CMSS1: variants seen among roughly 807,000 people sequenced by gnomAD.
CMSS1 encodes the protein protein CMSS1.
In CMSS1, 33 loss-of-function variants were observed where a neutral mutation model predicts 43.5. The observed-to-expected ratio is 0.76, with a 90% CI of 0.57 to 1.01. The LOEUF is 1.01. Ranked by LOEUF, CMSS1 falls within the 50% of genes least tolerant of loss-of-function variation. The pLI is 0.00. For synonymous variants in CMSS1, 115 were observed against 117.2 expected (o/e 0.98, Z 0.12); for missense variants, 313 against 326.4 (o/e 0.96, Z 0.32).
intron 1 of CMSS1, among the ~76,000 whole-genome samples, chr3:99,980,260 ACT>A (rs1233617014): frequency 6.6e-6 from 1 of 152,136 alleles, no homozygotes; most frequent in East Asian, 1.9e-4. Context: ...ACCTGGATCT[ACT>A]AATCTTACCT....
At chr3:99,832,704 C>T (rs1466817867) in intron 1 of CMSS1, among the ~76,000 whole-genome samples, 1 of 123,584 alleles carries the variant, frequency 8.1e-6, no homozygotes, top group East Asian at 2.5e-4. Context: ...AGCCGGGCGT[C>T]GTGGCGCACT....
intron 1 of CMSS1, among the ~76,000 whole-genome samples, chr3:99,901,907 T>C (rs756953615): frequency 6.6e-6 from 1 of 152,154 alleles, no homozygotes; most frequent in Non-Finnish European, 1.5e-5. Context: ...GAGCTCAGCA[T>C]AATGTTTTTT....
At chr3:99,852,088 G>A (rs1217445340) in intron 1 of CMSS1, among the ~76,000 whole-genome samples, 1 of 152,122 alleles carries the variant, frequency 6.6e-6, no homozygotes. Flanking sequence ...TAACAGGAGG[G>A]TATTTTACAT....
chr3:99,967,475 A>G (rs1220155027), intron 1 of CMSS1, among the ~76,000 whole-genome samples: 2 of 152,206 alleles, frequency 1.3e-5, no homozygotes, highest in African/African-American at 4.8e-5. Flanking sequence ...TATGGTACAT[A>G]GTGATCCAGT....
intron 2 of CMSS1, among the ~76,000 whole-genome samples, chr3:100,155,008 A>G (rs1229323922): frequency 6.6e-6 from 1 of 152,152 alleles, no homozygotes; most frequent in Non-Finnish European, 1.5e-5. Context: ...TTAAAAATCA[A>G]ACAGTATTAC....
intron 1 of CMSS1, among the ~76,000 whole-genome samples, chr3:100,108,284 T>A (rs2066427653): frequency 6.6e-6 from 1 of 152,184 alleles, no homozygotes. Flanking sequence ...GATTATTTTT[T>A]ATAGATCCAA....
intron 1 of CMSS1, among the ~76,000 whole-genome samples, chr3:100,004,313 T>G (rs768394158): frequency 6.6e-6 from 1 of 152,172 alleles, no homozygotes; most frequent in Non-Finnish European, 1.5e-5. Context: ...TCAAGAACAT[T>G]GTGTATAATG....
chr3:100,107,249 T>C (rs917774876), intron 1 of CMSS1, among the ~76,000 whole-genome samples: 2 of 152,152 alleles, frequency 1.3e-5, no homozygotes, highest in Admixed American at 6.6e-5. Flanking sequence ...GATGGGAATA[T>C]AATAATAGAA....
intron 1 of CMSS1, among the ~76,000 whole-genome samples, chr3:99,861,609 A>C (rs1398720315): frequency 6.6e-6 from 1 of 152,092 alleles, no homozygotes; most frequent in African/African-American, 2.4e-5. Flanking sequence ...TGCCCAAGGT[A>C]GCCTTCTTTA....
At chr3:99,952,139 G>A (rs7632345) in intron 1 of CMSS1, among the ~76,000 whole-genome samples, 5 of 151,578 alleles carry the variant, frequency 3.3e-5, no homozygotes, top group Admixed American at 6.6e-5. Flanking sequence ...GTTAAGAGTC[G>A]CACAGACCAC....
intron 1 of CMSS1, among the ~76,000 whole-genome samples, chr3:100,123,277 AC>A (rs1375309101): frequency 6.6e-6 from 1 of 152,156 alleles, no homozygotes; most frequent in Non-Finnish European, 1.5e-5. Flanking sequence ...AGGTCTGAGA[AC>A]AATAGGTGTG....
chr3:100,149,236 C>G (rs192619452), intron 2 of CMSS1, among the ~76,000 whole-genome samples: 1 of 152,078 alleles, frequency 6.6e-6, no homozygotes, highest in South Asian at 2.1e-4. Flanking sequence ...ATAATCCTCA[C>G]GGCATCCCTA....
intron 1 of CMSS1, among the ~76,000 whole-genome samples, chr3:99,998,807 G>T (rs1253834330): frequency 6.6e-6 from 1 of 152,174 alleles, no homozygotes; most frequent in East Asian, 1.9e-4. Flanking sequence ...CTGACCTCGT[G>T]ATCCGCCCGC....
intron 1 of CMSS1, among the ~76,000 whole-genome samples, chr3:99,853,855 A>T (rs1943827807): frequency 6.6e-6 from 1 of 152,206 alleles, no homozygotes. Context: ...ACAAGAATTT[A>T]TATGCAGAAA....
intron 1 of CMSS1, among the ~76,000 whole-genome samples, chr3:99,852,991 A>G (rs1473558328): frequency 6.6e-6 from 1 of 152,206 alleles, no homozygotes; most frequent in Non-Finnish European, 1.5e-5. Context: ...AGAAGATGCT[A>G]GGCAGGATGC....
chr3:100,074,934 T>G (rs1174231273), intron 1 of CMSS1, among the ~76,000 whole-genome samples: 1 of 152,068 alleles, frequency 6.6e-6, no homozygotes, highest in East Asian at 1.9e-4. Context: ...CCTCAAGTGA[T>G]CCACCAGCCT....
intron 1 of CMSS1, among the ~76,000 whole-genome samples, chr3:100,002,612 CAT>C (rs1181216415): frequency 2.0e-5 from 3 of 152,292 alleles, no homozygotes; most frequent in Non-Finnish European, 2.9e-5. Context: ...AAACCAAATG[CAT>C]ATCTGTCCAT....
At chr3:99,936,685 T>C (rs950904147) in intron 1 of CMSS1, among the ~76,000 whole-genome samples, 3 of 150,530 alleles carry the variant, frequency 2.0e-5, no homozygotes, top group African/African-American at 7.4e-5. Flanking sequence ...CTTGAAGCCT[T>C]TTTAAATCAC....
intron 1 of CMSS1, among the ~76,000 whole-genome samples, chr3:99,893,020 G>A (rs1259314808): frequency 6.6e-6 from 1 of 152,148 alleles, no homozygotes; most frequent in Non-Finnish European, 1.5e-5. Context: ...GAGGAGGAGT[G>A]GCAATGCCTT....
Sources: gnomAD v4.1 joint callset for allele counts (sites outside exome capture counted in the v4.1 genomes callset) on GRCh38, gnomAD v4.1.1 for gene constraint, MANE v1.5 for transcripts, NCBI Gene and HGNC (gene_info 2026-07-23, HGNC 2026-07-21) for gene names.